GPCPD1: variants seen among roughly 807,000 people sequenced by gnomAD.
GPCPD1 encodes glycerophosphocholine phosphodiesterase 1.
GPCPD1 carries 29 observed loss-of-function variants against 89.2 expected under a neutral mutation model. The observed-to-expected ratio is 0.33, with a 90% confidence interval of 0.24 to 0.44. The LOEUF (loss-of-function observed/expected upper bound fraction) is 0.44, where lower values mean the gene tolerates loss of function less well. Among genes scored for constraint, GPCPD1 ranks in the 20% least tolerant of loss-of-function variants. The pLI is 1.00. For missense variants in GPCPD1, 594 were observed against 808.9 expected, an observed-to-expected ratio of 0.73 and a Z score of 3.22; for synonymous variants, 258 against 266.3, an observed-to-expected ratio of 0.97 and a Z score of 0.30.
At position 5,544,685 on chromosome 20, in the gene GPCPD1, TCA is replaced by T. The variant is rs1364661620; in HGVS notation, c.*2974_*2975del. On this transcript the variant is annotated 3_prime_UTR_variant, in exon 20 of 20. Transcript: ENST00000379019. ...CACATCCTAGTCCCAACCCAGTATA[TCA>T]GTTAACCTCTCTGGGTTTTTTCCCA... is the stretch of plus-strand genomic sequence containing the variant. 1 of 152,144 alleles carries T rather than the reference TCA, an allele frequency of 6.6e-6. No homozygotes were observed. The highest frequency in any genetic ancestry group is 6.6e-5 in the Admixed American group (1 of 15,266). 9.4% of individuals were successfully genotyped at this position (152,144 alleles called of 1,614,324 possible).
intron 16 of GPCPD1, 59 bp from the exon 17 acceptor site, chr20:5,560,135 C>A: frequency 8.0e-7 from 1 of 1,256,596 alleles, no homozygotes; most frequent in South Asian, 1.7e-5. Context: ...GTGCTAGCAA[C>A]TCTGTTTTTA....
intron 13 of GPCPD1, among the ~76,000 whole-genome samples, chr20:5,567,170 A>T (rs1986433716): frequency 6.6e-6 from 1 of 152,220 alleles, no homozygotes; most frequent in Non-Finnish European, 1.5e-5. Flanking sequence ...TTATATGAAG[A>T]AGGGCTACTG....
At chr20:5,589,731 A>G (rs1475673947) in intron 4 of GPCPD1, among the ~76,000 whole-genome samples, 1 of 152,214 alleles carries the variant, frequency 6.6e-6, no homozygotes, top group East Asian at 1.9e-4. Flanking sequence ...TTTCTAATAC[A>G]TTATCTGTAA....
At chr20:5,563,529 G>GA (rs1986209568) in intron 15 of GPCPD1, among the ~76,000 whole-genome samples, 1 of 151,820 alleles carries the variant, frequency 6.6e-6, no homozygotes, top group Admixed American at 6.6e-5. Flanking sequence ...TTATTTTTGA[G>GA]ACAGGATCTC....
intron 2 of GPCPD1, 53 bp from the exon 3 acceptor site, chr20:5,598,874 G>T (rs1222295281): frequency 1.8e-6 from 2 of 1,106,418 alleles, no homozygotes; most frequent in South Asian, 1.3e-5. Flanking sequence ...AGTCACAGTG[G>T]GATAAGCAGG....
At position 5,570,255 on chromosome 20, in the gene GPCPD1, A is replaced by C. The variant is rs773766635; in HGVS notation, c.1057-16T>G. ...AGGCTGCACCCTGACAGAAGGAAGCAAGTATTTGAAAAACATTGCCTGGTA... is the reference window on the plus strand; with the variant it reads ...AGGCTGCACCCTGACAGAAGGAAGCCAGTATTTGAAAAACATTGCCTGGTA... On this transcript the variant is annotated splice_polypyrimidine_tract_variant and intron_variant, in intron 11 of 19. Transcript: ENST00000379019. 3 of 1,359,936 alleles carry C rather than the reference A, an allele frequency of 2.2e-6. No homozygotes were observed. The highest frequency in any genetic ancestry group is 3.1e-6 in the Non-Finnish European group (3 of 956,086). The allele number at this position is 1,359,936 out of a possible 1,614,324, so 84.2% of individuals were successfully genotyped here.
intron 15 of GPCPD1, among the ~76,000 whole-genome samples, chr20:5,563,123 C>T (rs150652982): frequency 0.027 from 4,093 of 152,118 alleles, 188 homozygotes; most frequent in African/African-American, 0.094. Context: ...GCTGGGACTA[C>T]AGGCACCCGC....
At chr20:5,600,927 G>A (rs1396522408) in intron 2 of GPCPD1, among the ~76,000 whole-genome samples, 1 of 152,064 alleles carries the variant, frequency 6.6e-6, no homozygotes, top group Non-Finnish European at 1.5e-5. Flanking sequence ...CAGGTGGAGG[G>A]TGCAGTGAGC....
chr20:5,570,046 C>G (rs1404758618), intron 12 of GPCPD1, 101 bp downstream of exon 12: 2 of 555,462 alleles, frequency 3.6e-6, no homozygotes, highest in Non-Finnish European at 6.4e-6. Context: ...AATGAATTAA[C>G]CAATTCTATT....
intron 2 of GPCPD1, among the ~76,000 whole-genome samples, chr20:5,602,623 C>T (rs1268451952): frequency 6.6e-6 from 1 of 152,204 alleles, no homozygotes; most frequent in Non-Finnish European, 1.5e-5. Context: ...TACAGATATA[C>T]TATGCCCCTG....
chr20:5,546,103 C>T lies in GPCPD1; in HGVS notation c.*1558G>A, dbSNP rs1351214116. ...CACCAAAATTTTGGAAAATCTCATACAATGTGGGAAAAGTATACAGAACCC... is the reference window on the plus strand; with the variant it reads ...CACCAAAATTTTGGAAAATCTCATATAATGTGGGAAAAGTATACAGAACCC... On this transcript the variant is annotated 3_prime_UTR_variant, in exon 20 of 20. Coordinates refer to ENST00000379019, the MANE Select transcript of GPCPD1 (RefSeq NM_019593.5). 1 of 152,210 alleles carries T rather than the reference C, an allele frequency of 6.6e-6. No homozygotes were observed. The highest frequency in any genetic ancestry group is 1.5e-5 in the Non-Finnish European group (1 of 68,032). 9.4% of individuals were successfully genotyped at this position (152,210 alleles called of 1,614,324 possible).
chr20:5,581,922 C>T (rs1463353415), intron 6 of GPCPD1, among the ~76,000 whole-genome samples: 1 of 144,772 alleles, frequency 6.9e-6, no homozygotes, highest in Non-Finnish European at 1.5e-5. Flanking sequence ...CGGTGGCTCA[C>T]GCCTGTAATC....
intron 1 of GPCPD1, among the ~76,000 whole-genome samples, chr20:5,608,025 TTTG>T (rs1980715159): frequency 6.6e-6 from 1 of 152,206 alleles, no homozygotes; most frequent in Non-Finnish European, 1.5e-5. Flanking sequence ...TATTTTGCTA[TTTG>T]TTGACTAACT....
intron 10 of GPCPD1, among the ~76,000 whole-genome samples, chr20:5,575,009 A>G (rs1276892666): frequency 3.9e-5 from 6 of 152,230 alleles, no homozygotes. Context: ...GTTGAGGTCC[A>G]AGTTAACTAA....
chr20:5,580,463 C>T (rs187563271), intron 6 of GPCPD1, among the ~76,000 whole-genome samples: 3 of 152,230 alleles, frequency 2.0e-5, no homozygotes, highest in Non-Finnish European at 1.5e-5. Context: ...TGGTGGCTCA[C>T]GCCTGTAATC....
intron 16 of GPCPD1, among the ~76,000 whole-genome samples, chr20:5,561,028 G>A (rs879653637): frequency 3.3e-5 from 5 of 152,190 alleles, no homozygotes; most frequent in Non-Finnish European, 5.9e-5. Flanking sequence ...ACAAAAAAAT[G>A]ACTAAATTTG....
At chr20:5,602,399 C>A (rs1203302354) in intron 2 of GPCPD1, among the ~76,000 whole-genome samples, 1 of 152,220 alleles carries the variant, frequency 6.6e-6, no homozygotes, top group Non-Finnish European at 1.5e-5. Context: ...AGTGGCCACA[C>A]ACTAAACCAG....
intron 13 of GPCPD1, among the ~76,000 whole-genome samples, chr20:5,567,272 C>T (rs149673426): frequency 1.9e-3 from 285 of 152,140 alleles, no homozygotes; most frequent in African/African-American, 6.4e-3. Context: ...TTCATAAATA[C>T]AAAAACCAGT....
At chr20:5,578,177 T>C (rs561077074) in intron 8 of GPCPD1, among the ~76,000 whole-genome samples, 1 of 152,236 alleles carries the variant, frequency 6.6e-6, no homozygotes, top group Non-Finnish European at 1.5e-5. Context: ...ATTGGAAACA[T>C]CAATACTGCT....
Sources: allele counts gnomAD v4.1 joint callset (sites outside exome capture counted in the v4.1 genomes callset), GRCh38; gene constraint gnomAD v4.1.1; transcripts MANE v1.5; gene names NCBI Gene and HGNC (gene_info 2026-07-23, HGNC 2026-07-21).